The following ZNF285 variants were observed in gnomAD, a reference collection of about 807,000 sequenced individuals.
The protein encoded by ZNF285 is zinc finger protein 285A.
A neutral mutation model predicts 6.2 loss-of-function variants in ZNF285; 4 were observed. The ratio of observed to expected loss-of-function variants is 0.65; its 90% CI spans 0.32 to 1.49. ZNF285 has a LOEUF of 1.49. ZNF285 is among the 40% of genes most tolerant of loss of function. The pLI is 0.07. For missense variants in ZNF285, 695 were observed against 708.8 expected (o/e 0.98, Z 0.22); for synonymous variants, 240 against 245.8 (o/e 0.98, Z 0.22).
chr19:44,392,712 AGCAAGCTCTGTT>A (rs1971218516), intron 2 of ZNF285: 1 of 689,922 alleles, frequency 1.4e-6, no homozygotes, highest in African/African-American at 1.8e-5. Flanking sequence ...GGAGAATGAG[AGCAAGCTCTGTT>A]GAGGCTCTCA....
Position 44,387,188 on chromosome 19 carries a change from A to T in ZNF285, c.1057T>A (p.Phe353Ile). 1 of 1,613,348 alleles carries T rather than the reference A, an allele frequency of 6.2e-7. No individual in the cohort carries two copies. Among genetic ancestry groups the T allele is most frequent in the Non-Finnish European group, 8.5e-7 (1 of 1,179,860 alleles). Residue 353 changes from phenylalanine (F) to isoleucine (I), a missense_variant, in exon 4 of 4, where the codon TTT becomes ATT. Transcript: ENST00000614994. ...PYKCDECGKG[F>I]GFRSLLCIHQ... ...ATACAAAGAAGTGACCTAAATCCAA[A>T]CCCTTTCCCACATTCATCGCATTTG...
chr19:44,386,975 C>T lies in ZNF285; in HGVS notation c.1270G>A (p.Gly424Arg). The T allele has an allele frequency of 6.2e-7, 1 of 1,613,470 alleles. No homozygotes were observed. Among genetic ancestry groups the T allele is most frequent in the Non-Finnish European group, 8.5e-7 (1 of 1,179,452 alleles). ...VLQVHWRFHT[G>R]EKPYRCGECG... ...TCACCACACCTATATGGTTTCTCCCCTGTGTGAAACCTCCAGTGGACTTGA... is the reference window on the plus strand; with the variant it reads ...TCACCACACCTATATGGTTTCTCCCTTGTGTGAAACCTCCAGTGGACTTGA... Residue 424 changes from glycine to arginine, a missense_variant, in exon 4 of 4, where the codon GGG becomes AGG. Coordinates refer to ENST00000614994, the MANE Select transcript of ZNF285 (RefSeq NM_152354.6).
At position 44,386,649 on chromosome 19, in the gene ZNF285, T is replaced by C. The variant is rs1476009643; in HGVS notation, c.1596A>G (p.Arg532=). 2.5e-6 allele frequency: 4 copies of C among 1,614,034 alleles called. No individual in the cohort carries two copies. In the Admixed American group the frequency reaches 5.0e-5, roughly 20 times the overall value. ...SRNSDLNVHL[R]VHTGERPYKC... ...TATAGGGCCTCTCTCCTGTGTGGACTCTGAGGTGAACATTAAGATCTGAAT... is the reference window on the plus strand; with the variant it reads ...TATAGGGCCTCTCTCCTGTGTGGACCCTGAGGTGAACATTAAGATCTGAAT... The change falls in exon 4 of 4, where the codon AGA becomes AGG. Residue 532 remains arginine, a synonymous_variant. Transcript: ENST00000614994.
At chr19:44,392,257 T>C in intron 3 of ZNF285, 83 bp downstream of exon 3, 1 of 1,579,036 alleles carries the variant, frequency 6.3e-7, no homozygotes, top group East Asian at 2.2e-5. Context: ...AGTTTCTCTT[T>C]GTGGTCTAAC....
At chr19:44,391,593 ATCTCATGAGATTTATTCAC>A in intron 3 of ZNF285, among the ~76,000 whole-genome samples, 1 of 151,862 alleles carries the variant, frequency 6.6e-6, no homozygotes. Flanking sequence ...AAACCATCAG[ATCTCATGAGATTTATTCAC>A]TCTCATGAGA....
At chr19:44,397,386 C>T (rs1971299547) in intron 1 of ZNF285, 130 bp from the exon 2 acceptor site, 2 of 1,098,834 alleles carry the variant, frequency 1.8e-6, no homozygotes, top group Admixed American at 4.3e-5. Context: ...TCGCTCTGAA[C>T]AGACTGAACT....
At chr19:44,394,497 C>T (rs941675295) in intron 2 of ZNF285, 7 of 513,612 alleles carry the variant, frequency 1.4e-5, no homozygotes, top group Admixed American at 3.4e-5. Context: ...CCCCGCAACA[C>T]ATAATTTACC....
intron 2 of ZNF285, chr19:44,392,672 CT>C (rs1287858873): frequency 8.7e-6 from 8 of 914,986 alleles, no homozygotes; most frequent in Non-Finnish European, 1.2e-5. Flanking sequence ...GCAGACAGCT[CT>C]GCTCTCACTG....
chr19:44,389,266 A>G (rs1442864837), intron 3 of ZNF285, among the ~76,000 whole-genome samples: 1 of 152,126 alleles, frequency 6.6e-6, no homozygotes, highest in African/African-American at 2.4e-5. Flanking sequence ...GGATGATCAT[A>G]TTCTTGGGAT....
chr19:44,400,083 G>A (rs1477518081), intron 1 of ZNF285, among the ~76,000 whole-genome samples: 2 of 150,660 alleles, frequency 1.3e-5, no homozygotes, highest in Non-Finnish European at 2.9e-5. Context: ...AAGGCCAGAA[G>A]GCAATGGCGG....
chr19:44,388,214 A>G (rs2123265592), intron 3 of ZNF285, 112 bp from the exon 4 acceptor site: 1 of 967,698 alleles, frequency 1.0e-6, no homozygotes, highest in South Asian at 1.6e-5. Context: ...CTATTGACGT[A>G]TGAAACAATT....
chr19:44,396,753 T>C (rs1971286384), intron 2 of ZNF285: 1 of 162,538 alleles, frequency 6.2e-6, no homozygotes, highest in Non-Finnish European at 1.4e-5. Flanking sequence ...CTCTTACTGG[T>C]TCTGCCTTGC....
At chr19:44,394,247 A>T (rs1245606649) in intron 2 of ZNF285, among the ~76,000 whole-genome samples, 3 of 149,704 alleles carry the variant, frequency 2.0e-5, no homozygotes, top group African/African-American at 4.9e-5. Context: ...AACATCACAC[A>T]CCAGGGACTG....
intron 2 of ZNF285, among the ~76,000 whole-genome samples, chr19:44,393,030 G>C (rs79154354): frequency 6.6e-6 from 1 of 152,086 alleles, no homozygotes; most frequent in Non-Finnish European, 1.5e-5. Context: ...AGATTATTAG[G>C]ATAATTAAGA....
chr19:44,389,480 T>C (rs1971156212), intron 3 of ZNF285, among the ~76,000 whole-genome samples: 4 of 152,148 alleles, frequency 2.6e-5, no homozygotes, highest in Admixed American at 2.6e-4. Flanking sequence ...CACAGTAAAA[T>C]CAGCATTATG....
chr19:44,397,057 G>A (rs1316698903), intron 2 of ZNF285, 142 bp downstream of exon 2: 1 of 1,218,974 alleles, frequency 8.2e-7, no homozygotes, highest in African/African-American at 1.5e-5. Flanking sequence ...CAAACCACCT[G>A]CCTCACAAAG....
chr19:44,391,593 A>C (rs1194356517), intron 3 of ZNF285, among the ~76,000 whole-genome samples: 1 of 151,862 alleles, frequency 6.6e-6, no homozygotes, highest in African/African-American at 2.4e-5. Context: ...AAACCATCAG[A>C]TCTCATGAGA....
rs540829209 is a variant in ZNF285, at chr19:44,382,845, G to A, written c.*3627C>T. The A allele has an allele frequency of 3.3e-5, 5 of 152,290 alleles. No homozygotes were observed. In the South Asian group the frequency reaches 1.0e-3, roughly 32 times the overall value. The allele number at this position is 152,290 out of a possible 1,614,324, so 9.4% of individuals were successfully genotyped here. The stretch of plus-strand genomic sequence containing the variant: ...TCAGAGCTTCACAGAAGTTGCATGA[G>A]AAAGCCAGGTTCTAACACCTCCCAT... On this transcript the variant is annotated 3_prime_UTR_variant, in exon 4 of 4. Coordinates refer to ENST00000614994, the MANE Select transcript of ZNF285 (RefSeq NM_152354.6).
At position 44,383,008 on chromosome 19, in the gene ZNF285, G is replaced by A. The variant is rs987266139; in HGVS notation, c.*3464C>T. 1 of 152,060 alleles carries A rather than the reference G, an allele frequency of 6.6e-6. No individual in the cohort carries two copies. The highest frequency in any genetic ancestry group is 1.5e-5 in the Non-Finnish European group (1 of 68,014). The allele number at this position is 152,060 out of a possible 1,614,324, so 9.4% of individuals were successfully genotyped here. On this transcript the variant is annotated 3_prime_UTR_variant, in exon 4 of 4. Coordinates refer to ENST00000614994, the MANE Select transcript of ZNF285 (RefSeq NM_152354.6). ...CCAGAATTACCTTTGGACAATTCTG[G>A]TCATTGCACACAATTGTTATTGTGA...
Sources: allele counts gnomAD v4.1 joint callset (sites outside exome capture counted in the v4.1 genomes callset), GRCh38; gene constraint gnomAD v4.1.1; transcripts MANE v1.5; gene names NCBI Gene and HGNC (gene_info 2026-07-23, HGNC 2026-07-21).